INPP5F: variants seen among roughly 807,000 people sequenced by gnomAD.
INPP5F encodes the protein inositol polyphosphate-5-phosphatase F, also known as phosphatidylinositide 4-phosphatase SAC2.
Under a neutral mutation model 137.2 loss-of-function variants are expected in INPP5F, and 97 were observed. That is an observed-to-expected ratio of 0.71 (90% CI 0.60 to 0.84). The LOEUF is 0.84. Ranked by LOEUF, INPP5F falls within the 40% of genes least tolerant of loss-of-function variation. The pLI, the probability that INPP5F is intolerant of heterozygous loss-of-function variation, is 0.00. For synonymous variants in INPP5F, 504 were observed against 476.9 expected, an observed-to-expected ratio of 1.06 and a Z score of -0.74; for missense variants, 1,271 against 1,371.9, an observed-to-expected ratio of 0.93 and a Z score of 1.16.
At chr10:119,729,981 G>GT (rs1358726361) in intron 1 of INPP5F, among the ~76,000 whole-genome samples, 14 of 150,702 alleles carry the variant, frequency 9.3e-5, no homozygotes, top group African/African-American at 3.2e-4. Context: ...ACGAAGTATT[G>GT]TTTTTTTTCT....
rs59388357 is a variant in INPP5F, at chr10:119,732,500, C to CTTTTTTTT, written c.97+6151_97+6158dup. On this transcript the variant is annotated intron_variant, in intron 1 of 19. Transcript: ENST00000650623. The stretch of plus-strand genomic sequence containing the variant: ...TGAGCACTTTTCTTTTTTCTTTTTT[C>CTTTTTTTT]TTTTTTTTTTTTTTTTTGAGACGGA... Among the ~76,000 whole-genome samples, 180 of 115,498 alleles carry CTTTTTTTT rather than the reference C, an allele frequency of 1.6e-3. 2 individuals are homozygous for CTTTTTTTT. The highest frequency in any genetic ancestry group is 2.5e-3 in the African/African-American group (74 of 29,386). 75.8% of individuals were successfully genotyped at this position (115,498 alleles called of 152,430 possible). A position where few individuals can be genotyped will look rare whatever the true frequency, so the allele number is the denominator to read the frequency against.
intron 2 of INPP5F, among the ~76,000 whole-genome samples, chr10:119,772,681 G>T (rs1442304653): frequency 6.6e-6 from 1 of 152,096 alleles, no homozygotes; most frequent in South Asian, 2.1e-4. Context: ...ATTAATTGGG[G>T]GGCATGGCTT....
intron 15 of INPP5F, among the ~76,000 whole-genome samples, chr10:119,813,847 T>C (rs1851145892): frequency 6.6e-6 from 1 of 152,104 alleles, no homozygotes; most frequent in Admixed American, 6.5e-5. Flanking sequence ...AAAGTCACCA[T>C]TGGGTGATTA....
Position 119,741,860 on chromosome 10 carries a change from TCTCA to T in INPP5F, c.98-9212_98-9209del, listed in dbSNP as rs1177882205. Reference sequence around the variant, plus strand: ...ATTATTTATTTTTTTTGAGATGGAGTCTCACTCTGTTGCCGATTAGTCAGATCTC... The same window carrying T: ...ATTATTTATTTTTTTTGAGATGGAGTCTCTGTTGCCGATTAGTCAGATCTC... On this transcript the variant is annotated intron_variant, in intron 1 of 19. Transcript: ENST00000650623. Among the ~76,000 whole-genome samples the T allele has an allele frequency of 2.7e-5, 4 of 150,726 alleles. No homozygotes were observed. The East Asian group carries it at 5.9e-4, about 22-fold the overall frequency.
At chr10:119,800,325 G>A (rs1009318383) in intron 9 of INPP5F, among the ~76,000 whole-genome samples, 7 of 151,394 alleles carry the variant, frequency 4.6e-5, no homozygotes, top group East Asian at 1.9e-4. Context: ...GGAGGCCAAC[G>A]TGGGCGGATC....
At position 119,787,686 on chromosome 10, in the gene INPP5F, A is replaced by T. The variant is rs1849972776; in HGVS notation, c.316-3831A>T. Reference sequence around the variant, plus strand: ...CAGGCAGGCAGGCAGGAAGGAAGGAAATGCCAAGCTTAGAGAATAAGCATT... The same window carrying T: ...CAGGCAGGCAGGCAGGAAGGAAGGATATGCCAAGCTTAGAGAATAAGCATT... On this transcript the variant is annotated intron_variant, in intron 3 of 19. Coordinates refer to ENST00000650623, the MANE Select transcript of INPP5F (RefSeq NM_014937.4). This position sits in a 1 kb window ranked among gnomAD's most constrained non-coding sequence, Gnocchi z 4.1. Among the ~76,000 whole-genome samples the T allele has an allele frequency of 6.6e-6, 1 of 151,972 alleles. No homozygotes were observed. The highest frequency in any genetic ancestry group is 2.4e-5 in the African/African-American group (1 of 41,368).
intron 15 of INPP5F, chr10:119,819,561 T>C (rs772782779): frequency 3.2e-6 from 5 of 1,580,424 alleles, no homozygotes; most frequent in Middle Eastern, 1.7e-4. Context: ...CGCGTAAAAC[T>C]TAACATTTTA....
Position 119,786,610 on chromosome 10 carries a change from A to G in INPP5F, c.315+4839A>G, listed in dbSNP as rs1272132612. On this transcript the variant is annotated intron_variant, in intron 3 of 19. Transcript: ENST00000650623. ...CTGTCACACAGGCTGGAATGCAGTG[A>G]CGCAATCATCCTGCCTTCAGCCCCC... Among the ~76,000 whole-genome samples the G allele has an allele frequency of 3.9e-5, 6 of 152,202 alleles. No individual in the cohort carries two copies. The East Asian group carries it at 7.7e-4, about 20-fold the overall frequency.
At chr10:119,822,934 C>A in intron 17 of INPP5F, 137 bp from the exon 18 acceptor site, 2 of 806,590 alleles carry the variant, frequency 2.5e-6, no homozygotes, top group Admixed American at 3.0e-5. Flanking sequence ...CTTATCAAAC[C>A]AAATGGTCAC....
intron 15 of INPP5F, among the ~76,000 whole-genome samples, chr10:119,815,059 G>T (rs551892333): frequency 3.9e-5 from 6 of 152,106 alleles, no homozygotes; most frequent in African/African-American, 1.4e-4. Flanking sequence ...TAGAGATGGC[G>T]TTTCACCCTG....
intron 1 of INPP5F, 60 bp downstream of exon 1, chr10:119,726,419 C>T: frequency 9.9e-7 from 1 of 1,007,032 alleles, no homozygotes; most frequent in Non-Finnish European, 1.3e-6. Flanking sequence ...GGAGGGGGCG[C>T]GGCCGGACCC....
intron 2 of INPP5F, among the ~76,000 whole-genome samples, chr10:119,778,500 A>G (rs967252761): frequency 2.0e-5 from 3 of 152,112 alleles, no homozygotes; most frequent in Non-Finnish European, 4.4e-5. Context: ...TGTTTAATTA[A>G]AAATCTCTTG....
intron 3 of INPP5F, among the ~76,000 whole-genome samples, chr10:119,786,427 A>C (rs1425039844): frequency 6.6e-6 from 1 of 152,202 alleles, no homozygotes; most frequent in African/African-American, 2.4e-5. Context: ...AATTTTCTCT[A>C]TCCCTGTTTT....
At chr10:119,779,816 CT>C (rs1202972559) in intron 2 of INPP5F, among the ~76,000 whole-genome samples, 1 of 152,126 alleles carries the variant, frequency 6.6e-6, no homozygotes, top group East Asian at 1.9e-4. Flanking sequence ...TTTGACTCTT[CT>C]GTAATAACAC....
chr10:119,741,882 C>T (rs891106489), intron 1 of INPP5F, among the ~76,000 whole-genome samples: 4 of 151,500 alleles, frequency 2.6e-5, no homozygotes, highest in African/African-American at 9.7e-5. Flanking sequence ...GCCGATTAGT[C>T]AGATCTCAGC....
chr10:119,770,085 G>C (rs955211310), intron 2 of INPP5F, among the ~76,000 whole-genome samples: 3 of 151,990 alleles, frequency 2.0e-5, no homozygotes, highest in African/African-American at 7.3e-5. Flanking sequence ...TATTGTTTTA[G>C]CTTGCCCTAC....
At chr10:119,730,907 C>T (rs1000632910) in intron 1 of INPP5F, among the ~76,000 whole-genome samples, 1 of 152,036 alleles carries the variant, frequency 6.6e-6, no homozygotes, top group Non-Finnish European at 1.5e-5. Flanking sequence ...CCTGCCTCAG[C>T]CTCCCGAGTA....
chr10:119,781,875 T>C, intron 3 of INPP5F, 104 bp downstream of exon 3: 4 of 899,388 alleles, frequency 4.4e-6, no homozygotes, highest in Non-Finnish European at 6.5e-6. Context: ...TAGAGCTGGG[T>C]AATGTTTTTA....
chr10:119,818,677 C>G (rs534001744), intron 15 of INPP5F: 1 of 152,368 alleles, frequency 6.6e-6, no homozygotes, highest in Non-Finnish European at 1.5e-5. Flanking sequence ...CTAGACGTGT[C>G]CCCTGGGCGT....
Sources: allele counts gnomAD v4.1 joint callset (sites outside exome capture counted in the v4.1 genomes callset), GRCh38; gene constraint gnomAD v4.1.1; non-coding constraint Gnocchi (gnomAD v3.1); transcripts MANE v1.5; gene names NCBI Gene and HGNC (gene_info 2026-07-23, HGNC 2026-07-21).